Variants in DGKI observed in about 807,000 individuals in gnomAD.
DGKI encodes DAG kinase iota.
Under a neutral mutation model 147.5 loss-of-function variants are expected in DGKI, and 55 were observed. That is an observed-to-expected ratio of 0.37 (90% confidence interval 0.30 to 0.47). DGKI has a LOEUF of 0.47. Ranked by LOEUF, DGKI falls within the 20% of genes least tolerant of loss-of-function variation. The pLI is 1.00. For missense variants in DGKI, 1,007 were observed against 1,323.8 expected (o/e 0.76, Z 3.71); for synonymous variants, 469 against 477.1 (o/e 0.98, Z 0.22).
intron 20 of DGKI, among the ~76,000 whole-genome samples, chr7:137,529,041 A>G (rs1817247526): frequency 6.6e-6 from 1 of 152,202 alleles, no homozygotes; most frequent in African/African-American, 2.4e-5. Context: ...CATATTGCAA[A>G]CAGACTATAA....
intron 11 of DGKI, among the ~76,000 whole-genome samples, chr7:137,599,226 CA>C (rs1390980008): frequency 6.6e-6 from 1 of 152,130 alleles, no homozygotes; most frequent in Non-Finnish European, 1.5e-5. Context: ...GGATATGGGT[CA>C]CCTACAATCT....
intron 1 of DGKI, among the ~76,000 whole-genome samples, chr7:137,788,339 G>C (rs972179718): frequency 1.3e-5 from 2 of 151,940 alleles, no homozygotes; most frequent in Non-Finnish European, 2.9e-5. Flanking sequence ...ATTTTTACAA[G>C]TCTCCATATC....
At chr7:137,690,654 T>C (rs756055689) in intron 1 of DGKI, among the ~76,000 whole-genome samples, 1 of 152,228 alleles carries the variant, frequency 6.6e-6, no homozygotes, top group African/African-American at 2.4e-5. Context: ...GATTTTAGAT[T>C]TGTTGAGTGG....
intron 26 of DGKI, among the ~76,000 whole-genome samples, chr7:137,464,716 G>A (rs1017460642): frequency 1.2e-4 from 18 of 152,216 alleles, no homozygotes; most frequent in African/African-American, 4.3e-4. Context: ...TAGCAGCAGT[G>A]AACCAAAAAA....
rs186247888 is a variant in DGKI, at chr7:137,627,059, A to G, written c.805-3505T>C. On this transcript the variant is annotated intron_variant, in intron 6 of 32. Coordinates refer to ENST00000614521, the MANE Select transcript of DGKI (RefSeq NM_001321708.2). ...CAGTGAGACAGGTCTACTCATATCC[A>G]CAATATGTTTTATTCTTTTATAGTT... 7.4e-4 allele frequency among the ~76,000 whole-genome samples: 112 copies of G among 152,222 alleles called. 1 individual carries two copies. The highest frequency in any genetic ancestry group is 3.7e-3 in the Admixed American group (57 of 15,292).
At chr7:137,575,947 TTCA>T (rs1187316093) in intron 17 of DGKI, among the ~76,000 whole-genome samples, 7 of 152,134 alleles carry the variant, frequency 4.6e-5, no homozygotes, top group Non-Finnish European at 1.5e-5. Context: ...CTTATATTTC[TTCA>T]TATCTCATTA....
intron 1 of DGKI, among the ~76,000 whole-genome samples, chr7:137,818,585 G>A (rs1347042768): frequency 6.6e-6 from 1 of 152,178 alleles, no homozygotes; most frequent in Non-Finnish European, 1.5e-5. Flanking sequence ...GGGATTATAG[G>A]CATGCGCCAC....
intron 32 of DGKI, among the ~76,000 whole-genome samples, chr7:137,392,452 T>G (rs1424831063): frequency 6.6e-6 from 1 of 152,112 alleles, no homozygotes; most frequent in African/African-American, 2.4e-5. Flanking sequence ...AATAAATAGC[T>G]CCATGTACAA....
chr7:137,802,888 T>C (rs1435924574), intron 1 of DGKI, among the ~76,000 whole-genome samples: 1 of 152,110 alleles, frequency 6.6e-6, no homozygotes, highest in Non-Finnish European at 1.5e-5. Flanking sequence ...ATTAATACAA[T>C]TCATGAAGCA....
Position 137,699,507 on chromosome 7 carries a change from A to T in DGKI, c.402-9505T>A, listed in dbSNP as rs186950499. ...GGCAGTGAGGTCTAATGAATATGGA[A>T]ATTGGAGAAGGGGCTGAATTTTATA... On this transcript the variant is annotated intron_variant, in intron 1 of 32. Coordinates refer to ENST00000614521, the MANE Select transcript of DGKI (RefSeq NM_001321708.2). Among the ~76,000 whole-genome samples the T allele has an allele frequency of 3.6e-4, 55 of 152,352 alleles. 1 individual carries two copies. The East Asian group carries it at 0.01, about 29-fold the overall frequency.
chr7:137,677,617 G>A (rs1185829439), intron 3 of DGKI, among the ~76,000 whole-genome samples: 2 of 152,086 alleles, frequency 1.3e-5, no homozygotes, highest in South Asian at 2.1e-4. Context: ...AAGCTTTGAT[G>A]GAAACTCGAT....
chr7:137,679,609 T>A (rs1434842390), intron 2 of DGKI, among the ~76,000 whole-genome samples: 1 of 152,126 alleles, frequency 6.6e-6, no homozygotes, highest in Non-Finnish European at 1.5e-5. Flanking sequence ...AAAATTACTC[T>A]TGTTTTTATT....
chr7:137,483,919 C>T (rs1340665894), intron 23 of DGKI, among the ~76,000 whole-genome samples: 7 of 151,986 alleles, frequency 4.6e-5, no homozygotes, highest in Non-Finnish European at 1.0e-4. Context: ...AAAATTTACA[C>T]CAAGATAGTG....
Position 137,681,187 on chromosome 7 carries a change from C to A in DGKI, c.511-2535G>T, listed in dbSNP as rs74913294. Among the ~76,000 whole-genome samples the A allele has an allele frequency of 9.5e-3, 1,445 of 152,286 alleles. 28 individuals are homozygous for A. Among genetic ancestry groups the A allele is most frequent in the African/African-American group, 0.033 (1,391 of 41,534 alleles). On this transcript the variant is annotated intron_variant, in intron 2 of 32. Coordinates refer to ENST00000614521, the MANE Select transcript of DGKI (RefSeq NM_001321708.2). ...AGAGCAACACTGACCAGGATCATTGCCCTCTACATCAAAGGGTGGACACCT... is the reference window on the plus strand; with the variant it reads ...AGAGCAACACTGACCAGGATCATTGACCTCTACATCAAAGGGTGGACACCT...
intron 30 of DGKI, among the ~76,000 whole-genome samples, chr7:137,404,831 T>C (rs1435577731): frequency 0.011 from 1 of 88 alleles, no homozygotes; most frequent in Non-Finnish European, 0.019. Flanking sequence ...ATTGTGTGAC[T>C]CAGTCTTGCA....
chr7:137,398,339 C>G (rs1001523321), intron 30 of DGKI, among the ~76,000 whole-genome samples: 1 of 152,218 alleles, frequency 6.6e-6, no homozygotes, highest in Non-Finnish European at 1.5e-5. Context: ...CTCCCTATAA[C>G]TAGACTCCAG....
At chr7:137,683,366 GTGTTTGTT>G (rs3083597) in intron 2 of DGKI, among the ~76,000 whole-genome samples, 8 of 149,328 alleles carry the variant, frequency 5.4e-5, no homozygotes, top group South Asian at 4.3e-4. Context: ...CTTTTTGTTT[GTGTTTGTT>G]TGTTTGTTTG....
chr7:137,484,287 G>C (rs1254503526), intron 23 of DGKI, among the ~76,000 whole-genome samples: 1 of 151,982 alleles, frequency 6.6e-6, no homozygotes, highest in Non-Finnish European at 1.5e-5. Context: ...TTAAATTATT[G>C]TGTTTTCTAT....
intron 23 of DGKI, among the ~76,000 whole-genome samples, chr7:137,473,429 T>G (rs1297336753): frequency 6.6e-6 from 1 of 152,128 alleles, no homozygotes; most frequent in African/African-American, 2.4e-5. Flanking sequence ...TATGTCTATG[T>G]GTATGTTCAT....
Sources: gnomAD v4.1 joint callset for allele counts (sites outside exome capture counted in the v4.1 genomes callset) on GRCh38, gnomAD v4.1.1 for gene constraint, MANE v1.5 for transcripts, NCBI Gene and HGNC (gene_info 2026-07-23, HGNC 2026-07-21) for gene names.